Variants in ELMO1 observed in about 807,000 individuals in gnomAD.
The protein encoded by ELMO1 is engulfment and cell motility protein 1.
In ELMO1, 26 loss-of-function variants were observed where a neutral mutation model predicts 98.9. The observed-to-expected ratio is 0.26, with a 90% CI of 0.19 to 0.36. ELMO1 has a LOEUF of 0.36. ELMO1 is among the 10% of genes least tolerant of loss of function. ELMO1 has a pLI of 1.00. For synonymous variants in ELMO1, 346 were observed against 346.0 expected, an observed-to-expected ratio of 1.00 and a Z score of 0.00; for missense variants, 627 against 935.2, an observed-to-expected ratio of 0.67 and a Z score of 4.30.
chr7:37,023,658 A>AGTACAGTG (rs1194337710), intron 15 of ELMO1, among the ~76,000 whole-genome samples: 3 of 152,144 alleles, frequency 2.0e-5, no homozygotes, highest in Non-Finnish European at 2.9e-5. Flanking sequence ...CCCAGGCTGG[A>AGTACAGTG]GTACAGTGGC....
intron 16 of ELMO1, among the ~76,000 whole-genome samples, chr7:36,921,803 G>A (rs1003262947): frequency 2.6e-5 from 4 of 152,152 alleles, no homozygotes; most frequent in Non-Finnish European, 5.9e-5. Context: ...TATATCTCCT[G>A]TGAAAGTTCT....
chr7:37,321,401 T>C (rs901372552), intron 2 of ELMO1, among the ~76,000 whole-genome samples: 12 of 152,132 alleles, frequency 7.9e-5, no homozygotes. Context: ...GCTGAATAAT[T>C]TGCTTTTCAT....
At chr7:36,977,406 G>A (rs946304718) in intron 16 of ELMO1, among the ~76,000 whole-genome samples, 15 of 152,214 alleles carry the variant, frequency 9.9e-5, no homozygotes, top group African/African-American at 3.6e-4. Context: ...GTTGTAGACA[G>A]AGACAGATCA....
At chr7:37,091,872 G>C (rs1784111394) in intron 15 of ELMO1, among the ~76,000 whole-genome samples, 1 of 152,134 alleles carries the variant, frequency 6.6e-6, no homozygotes, top group African/African-American at 2.4e-5. Context: ...AAAACCATCA[G>C]ATCTCGTGAG....
At chr7:37,124,934 A>T (rs1786390189) in intron 14 of ELMO1, among the ~76,000 whole-genome samples, 1 of 152,256 alleles carries the variant, frequency 6.6e-6, no homozygotes, top group Admixed American at 6.5e-5. Flanking sequence ...GTACCAAAAC[A>T]GAGATATAGA....
At chr7:37,033,927 G>A (rs1471857389) in intron 15 of ELMO1, among the ~76,000 whole-genome samples, 1 of 152,166 alleles carries the variant, frequency 6.6e-6, no homozygotes, top group East Asian at 1.9e-4. Context: ...CTCTCAATTA[G>A]GTTTAAGATA....
chr7:36,998,385 A>G (rs1792375676), intron 16 of ELMO1, among the ~76,000 whole-genome samples: 1 of 151,932 alleles, frequency 6.6e-6, no homozygotes, highest in African/African-American at 2.4e-5. Flanking sequence ...TCTTCTCTTG[A>G]GCTCAGTTAT....
At chr7:37,169,865 ATTATAT>A (rs1584757072) in intron 13 of ELMO1, among the ~76,000 whole-genome samples, 1 of 152,114 alleles carries the variant, frequency 6.6e-6, no homozygotes, top group Admixed American at 6.5e-5. Context: ...AATTCTAGAA[ATTATAT>A]TTAATCATTA....
intron 16 of ELMO1, among the ~76,000 whole-genome samples, chr7:36,977,196 A>G (rs761571417): frequency 2.0e-5 from 3 of 152,264 alleles, no homozygotes; most frequent in Non-Finnish European, 4.4e-5. Flanking sequence ...GTACTCTTCC[A>G]TAAAACTTGT....
chr7:37,182,463 T>TC (rs1563061304), intron 13 of ELMO1, among the ~76,000 whole-genome samples: 4 of 27,020 alleles, frequency 1.5e-4, no homozygotes, highest in African/African-American at 6.2e-4. Flanking sequence ...TGTGCTCTAC[T>TC]TTTTTTTTTT....
intron 16 of ELMO1, among the ~76,000 whole-genome samples, chr7:36,935,386 C>T (rs1044805108): frequency 1.3e-5 from 2 of 151,902 alleles, no homozygotes; most frequent in Non-Finnish European, 2.9e-5. Flanking sequence ...ACGTAAAGGA[C>T]TAAAACAGCC....
chr7:37,082,269 G>A (rs55752427), intron 15 of ELMO1, among the ~76,000 whole-genome samples: 1 of 152,048 alleles, frequency 6.6e-6, no homozygotes, highest in Non-Finnish European at 1.5e-5. Context: ...GGAGAAATCA[G>A]TTGGGCAGAA....
intron 1 of ELMO1, among the ~76,000 whole-genome samples, chr7:37,391,102 C>T (rs1554304402): frequency 6.7e-6 from 1 of 150,060 alleles, no homozygotes; most frequent in Non-Finnish European, 1.5e-5. Flanking sequence ...CCCCACCGCT[C>T]TTTCTTTACT....
At chr7:36,967,237 C>T (rs1789521696) in intron 16 of ELMO1, among the ~76,000 whole-genome samples, 1 of 151,962 alleles carries the variant, frequency 6.6e-6, no homozygotes, top group African/African-American at 2.4e-5. Context: ...TTTTCACATT[C>T]AGTACTAAAA....
chr7:36,887,437 A>T, intron 18 of ELMO1, 123 bp downstream of exon 18: 1 of 781,782 alleles, frequency 1.3e-6, no homozygotes, highest in Non-Finnish European at 2.1e-6. Flanking sequence ...CTGGACTGCT[A>T]TTCCTGTCCT....
At chr7:37,018,815 TA>T (rs1205831434) in intron 15 of ELMO1, among the ~76,000 whole-genome samples, 1 of 152,244 alleles carries the variant, frequency 6.6e-6, no homozygotes, top group African/African-American at 2.4e-5. Flanking sequence ...ATAGGCTTAG[TA>T]AACGGTGGCT....
intron 4 of ELMO1, among the ~76,000 whole-genome samples, chr7:37,274,637 C>T (rs1015144650): frequency 3.3e-5 from 5 of 152,170 alleles, no homozygotes; most frequent in Non-Finnish European, 7.4e-5. Context: ...ACTGTAACCT[C>T]CACCTCCCAG....
chr7:37,372,908 T>A (rs1022179157), intron 1 of ELMO1, among the ~76,000 whole-genome samples: 1 of 152,230 alleles, frequency 6.6e-6, no homozygotes, highest in African/African-American at 2.4e-5. Flanking sequence ...ATAACATCTC[T>A]TCCAGTCAGA....
intron 1 of ELMO1, among the ~76,000 whole-genome samples, chr7:37,426,676 G>A (rs1002242330): frequency 6.6e-6 from 1 of 151,918 alleles, no homozygotes; most frequent in African/African-American, 2.4e-5. Context: ...TCCTTGTCTC[G>A]CCTCAGAAGT....
Sources: gnomAD v4.1 joint callset for allele counts (sites outside exome capture counted in the v4.1 genomes callset) on GRCh38, gnomAD v4.1.1 for gene constraint, MANE v1.5 for transcripts, NCBI Gene and HGNC (gene_info 2026-07-23, HGNC 2026-07-21) for gene names.